Variants in PRDX4 observed in about 807,000 individuals in gnomAD.
PRDX4 encodes peroxiredoxin-4.
PRDX4 carries 12 observed loss-of-function variants against 20.5 expected under a neutral mutation model. The observed-to-expected ratio is 0.58, with a 90% confidence interval of 0.37 to 0.95. The LOEUF (loss-of-function observed/expected upper bound fraction) is 0.95, where lower values mean the gene tolerates loss of function less well. Among genes scored for constraint, PRDX4 ranks in the 40% least tolerant of loss-of-function variants. PRDX4 has a pLI of 0.01. For missense variants in PRDX4, 180 were observed against 207.3 expected, an observed-to-expected ratio of 0.87 and a Z score of 0.81; for synonymous variants, 99 against 87.5, an observed-to-expected ratio of 1.13 and a Z score of -0.73.
intron 6 of PRDX4, chrX:23,685,876 G>T: frequency 6.5e-6 from 1 of 154,623 alleles, no homozygotes; most frequent in Non-Finnish European, 1.3e-5. Flanking sequence ...CTGGACTTTA[G>T]TGAGCCCTTA....
chrX:23,669,227 T>C (rs1329942972), intron 1 of PRDX4, among the ~76,000 whole-genome samples: 1 of 112,230 alleles, frequency 8.9e-6, no homozygotes, highest in African/African-American at 3.2e-5. Flanking sequence ...CCCAGCCTAC[T>C]TTGAGATTTT....
chrX:23,676,193 A>G (rs1167908471), intron 3 of PRDX4, among the ~76,000 whole-genome samples: 1 of 108,868 alleles, frequency 9.2e-6, no homozygotes, highest in African/African-American at 3.3e-5. Context: ...GTTTTAAAAC[A>G]TAATATTCAA....
At chrX:23,679,672 T>TG (rs1928025249) in intron 4 of PRDX4, among the ~76,000 whole-genome samples, 1 of 52,273 alleles carries the variant, frequency 1.9e-5, no homozygotes, top group African/African-American at 7.9e-5. Flanking sequence ...GGCGACAGAG[T>TG]GAAAAAAAAA....
At position 23,681,899 on chromosome X, in the gene PRDX4, G is replaced by T. The variant is rs188111496; in HGVS notation, c.600-497G>T. ...GTACAAAAAATACAAAAATTAGCTGGGCGTGGTGGCACACACCTGTAGTCC... is the reference window on the plus strand; with the variant it reads ...GTACAAAAAATACAAAAATTAGCTGTGCGTGGTGGCACACACCTGTAGTCC... On this transcript the variant is annotated intron_variant, in intron 4 of 6. Transcript: ENST00000379341. 6.2e-3 allele frequency among the ~76,000 whole-genome samples: 685 copies of T among 110,807 alleles called. 5 individuals carry two copies. Among genetic ancestry groups the T allele is most frequent in the African/African-American group, 0.02 (621 of 30,520 alleles).
intron 6 of PRDX4, 26 bp downstream of exon 6, chrX:23,683,731 T>A: frequency 8.5e-7 from 1 of 1,177,287 alleles, no homozygotes; most frequent in Non-Finnish European, 1.1e-6. Flanking sequence ...TGTTTTTATG[T>A]TGAGTTGATG....
intron 2 of PRDX4, among the ~76,000 whole-genome samples, chrX:23,672,348 G>A (rs1306290248): frequency 8.9e-6 from 1 of 112,213 alleles, no homozygotes; most frequent in East Asian, 2.8e-4. Flanking sequence ...TGCATCTGTT[G>A]CTTTTCTGGG....
chrX:23,681,875 T>A (rs1018214117), intron 4 of PRDX4, among the ~76,000 whole-genome samples: 1 of 110,322 alleles, frequency 9.1e-6, no homozygotes, highest in Non-Finnish European at 1.9e-5. Flanking sequence ...ACCCTGTTTG[T>A]ACAAAAAATA....
intron 3 of PRDX4, chrX:23,675,588 C>T (rs6627964): frequency 0.2 from 23,148 of 113,118 alleles, 1,898 homozygotes; most frequent in African/African-American, 0.3. Flanking sequence ...TACCTAAATT[C>T]GTTATAAAGA....
intron 6 of PRDX4, among the ~76,000 whole-genome samples, chrX:23,684,415 A>G (rs1303112806): frequency 8.9e-6 from 1 of 111,870 alleles, no homozygotes; most frequent in Non-Finnish European, 1.9e-5. Flanking sequence ...ATCTAGCTCA[A>G]TTAATACTGA....
At position 23,667,614 on chromosome X, in the gene PRDX4, G is replaced by A; in HGVS notation, c.44G>A (p.Gly15Asp). 8.4e-7 allele frequency: 1 copy of A among 1,194,689 alleles called. No homozygotes were observed. Among genetic ancestry groups the A allele is most frequent in the South Asian group, 1.8e-5 (1 of 55,100 alleles). ...CTAGCCGCGACAACTCCGGACCACG[G>A]CCGCCACCGAAGGCTGCTTCTGCTG... ...PLLAATTPDH[G>D]RHRRLLLLPL... The change falls in exon 1 of 7, where the codon GGC (glycine) becomes GAC (aspartate). Residue 15 changes from glycine to aspartate, a missense_variant. Transcript: ENST00000379341.
chrX:23,668,692 A>T (rs1927779329), intron 1 of PRDX4, among the ~76,000 whole-genome samples: 1 of 112,130 alleles, frequency 8.9e-6, no homozygotes, highest in African/African-American at 3.2e-5. Flanking sequence ...GACATTCTGT[A>T]GGTGTGTAGT....
Position 23,682,394 on chromosome X carries a change from A to G in PRDX4, c.600-2A>G, listed in dbSNP as rs777743631. The G allele has an allele frequency of 5.2e-6, 6 of 1,145,763 alleles. No homozygotes were observed. Among genetic ancestry groups the G allele is most frequent in the Admixed American group, 2.4e-5 (1 of 40,944 alleles). The allele number at this position is 1,145,763 out of a possible 1,213,427, so 94.4% of individuals were successfully genotyped here. On this transcript the variant is annotated splice_acceptor_variant, in intron 4 of 6. Coordinates refer to ENST00000379341, the MANE Select transcript of PRDX4 (RefSeq NM_006406.2). LOFTEE classifies it high-confidence loss of function. ...CATCTCTACCATTCTTCTGTTTTACAGAGGTCTCTTCATTATTGATGACAA... is the reference window on the plus strand; with the variant it reads ...CATCTCTACCATTCTTCTGTTTTACGGAGGTCTCTTCATTATTGATGACAA...
At chrX:23,673,426 A>G (rs1238671991) in intron 2 of PRDX4, among the ~76,000 whole-genome samples, 1 of 112,523 alleles carries the variant, frequency 8.9e-6, no homozygotes, top group African/African-American at 3.2e-5. Flanking sequence ...AAGTTGGTCA[A>G]ATGTATCTCT....
chrX:23,671,672 T>C (rs751636991), intron 2 of PRDX4, 26 bp downstream of exon 2: 1 of 1,021,644 alleles, frequency 9.8e-7, no homozygotes, highest in Middle Eastern at 2.7e-4. Flanking sequence ...AAATAGCTAG[T>C]AAAATCTCAG....
intron 4 of PRDX4, among the ~76,000 whole-genome samples, chrX:23,679,971 G>T (rs1446993399): frequency 7.2e-5 from 8 of 110,491 alleles, no homozygotes; most frequent in Non-Finnish European, 1.5e-4. Context: ...GACAGAGCAA[G>T]ACTCCGTCTC....
chrX:23,679,436 G>C, intron 4 of PRDX4, 149 bp downstream of exon 4: 1 of 682,828 alleles, frequency 1.5e-6, no homozygotes, highest in Admixed American at 3.7e-5. Flanking sequence ...TGTAATCCTG[G>C]CACTTTGGGA....
chrX:23,670,758 T>C (rs1013025978), intron 1 of PRDX4, among the ~76,000 whole-genome samples: 1 of 112,005 alleles, frequency 8.9e-6, no homozygotes, highest in African/African-American at 3.2e-5. Context: ...TTCAAAGCCC[T>C]CTAGGAAAAT....
chrX:23,679,461 G>T (rs940259249), intron 4 of PRDX4, among the ~76,000 whole-genome samples, 174 bp downstream of exon 4: 3 of 111,587 alleles, frequency 2.7e-5, no homozygotes, highest in Admixed American at 9.6e-5. Flanking sequence ...ACGGTGGGCA[G>T]ATTACTTGAG....
chrX:23,680,865 C>T (rs1928053508), intron 4 of PRDX4, among the ~76,000 whole-genome samples: 1 of 111,193 alleles, frequency 9.0e-6, no homozygotes, highest in Admixed American at 9.6e-5. Context: ...GATCTATGAT[C>T]ACACCACTGC....
Sources: gnomAD v4.1 joint callset for allele counts (sites outside exome capture counted in the v4.1 genomes callset) on GRCh38, gnomAD v4.1.1 for gene constraint, MANE v1.5 for transcripts, NCBI Gene and HGNC (gene_info 2026-07-23, HGNC 2026-07-21) for gene names.